The following FHIT variants were observed in gnomAD, a reference collection of about 807,000 sequenced individuals.
FHIT encodes bis(5'-adenosyl)-triphosphatase.
Under a neutral mutation model 17.9 loss-of-function variants are expected in FHIT, and 19 were observed. That is an observed-to-expected ratio of 1.06 (90% CI 0.74 to 1.56). The LOEUF (loss-of-function observed/expected upper bound fraction) is 1.56. Ranked by LOEUF, FHIT falls within the 40% of genes most tolerant of loss-of-function variation. The probability of loss-of-function intolerance (pLI) is 0.00; values close to 1 mark genes in which losing one functional copy is unlikely to be tolerated. For missense variants in FHIT, 248 were observed against 189.2 expected (o/e 1.31, Z -1.82); for synonymous variants, 81 against 69.7 (o/e 1.16, Z -0.81).
chr3:60,457,972 T>G (rs1487766154), intron 5 of FHIT, among the ~76,000 whole-genome samples: 1 of 152,178 alleles, frequency 6.6e-6, no homozygotes, highest in African/African-American at 2.4e-5. Flanking sequence ...GGAACACTTT[T>G]ACACTGTTGG....
intron 5 of FHIT, among the ~76,000 whole-genome samples, chr3:60,130,791 A>ATACACATATATATGTGTGTG (rs1559660707): frequency 9.8e-6 from 1 of 101,560 alleles, no homozygotes; most frequent in Non-Finnish European, 2.6e-5. Context: ...TGTGGTGTGT[A>ATACACATATATATGTGTGTG]TATACACACA....
In FHIT at chr3:60,664,218, C is replaced by T. The variant is rs111547821; in HGVS notation, c.-17-127239G>A. Among the ~76,000 whole-genome samples the T allele has an allele frequency of 5.2e-3, 791 of 151,980 alleles. 9 individuals are homozygous for T. Among genetic ancestry groups the T allele is most frequent in the Non-Finnish European group, 8.4e-3 (568 of 67,932 alleles). On this transcript the variant is annotated intron_variant, in intron 4 of 9. Transcript: ENST00000492590. ...TATTTACTTTTTTTATTTTTAATTT[C>T]TTCCAGTGTTTCCTCAATGAATTTT...
intron 9 of FHIT, 53 bp downstream of exon 9, chr3:59,752,168 T>A: frequency 7.6e-7 from 1 of 1,312,746 alleles, no homozygotes; most frequent in Non-Finnish European, 1.1e-6. Flanking sequence ...GAGTGCAGCC[T>A]CTTTCCTGAG....
chr3:60,833,288 G>T (rs887281636), intron 3 of FHIT, among the ~76,000 whole-genome samples: 1 of 152,226 alleles, frequency 6.6e-6, no homozygotes, highest in Non-Finnish European at 1.5e-5. Context: ...GAGGGAGGCA[G>T]TTGGGAGAGG....
At chr3:60,746,148 C>T (rs2042351562) in intron 4 of FHIT, among the ~76,000 whole-genome samples, 1 of 152,214 alleles carries the variant, frequency 6.6e-6, no homozygotes, top group African/African-American at 2.4e-5. Context: ...GTGACAGCTC[C>T]TGTGGTCATC....
intron 3 of FHIT, among the ~76,000 whole-genome samples, chr3:61,025,644 T>C (rs951834269): frequency 2.6e-5 from 4 of 152,232 alleles, no homozygotes; most frequent in Admixed American, 6.5e-5. Context: ...TTACAAACCA[T>C]CTAAACTTTG....
At chr3:60,327,880 G>T (rs947951623) in intron 5 of FHIT, among the ~76,000 whole-genome samples, 13 of 152,126 alleles carry the variant, frequency 8.5e-5, no homozygotes, top group Admixed American at 7.2e-4. Context: ...GGCAGGCGAA[G>T]GAAACAAGAA....
rs114942089 is a variant in FHIT at position 59,872,207 on chromosome 3, T to G, written c.348+50139A>C. 6.2e-3 allele frequency among the ~76,000 whole-genome samples: 949 copies of G among 152,220 alleles called. 8 individuals carry two copies. The highest frequency in any genetic ancestry group is 0.021 in the African/African-American group (891 of 41,536). On this transcript the variant is annotated intron_variant, in intron 8 of 9. Transcript: ENST00000492590. ...ACAGCAATAGAGAAGGAGGTTAGGATCTTGGGCTTCATTTTGGGAGTCACA... is the reference window on the plus strand; with the variant it reads ...ACAGCAATAGAGAAGGAGGTTAGGAGCTTGGGCTTCATTTTGGGAGTCACA...
intron 5 of FHIT, among the ~76,000 whole-genome samples, chr3:60,187,173 G>A (rs1469605207): frequency 6.6e-6 from 1 of 151,972 alleles, no homozygotes. Context: ...TGATGGCCAG[G>A]GAACACAAAA....
chr3:60,924,414 C>A (rs1707464074), intron 3 of FHIT, among the ~76,000 whole-genome samples: 1 of 152,152 alleles, frequency 6.6e-6, no homozygotes, highest in African/African-American at 2.4e-5. Flanking sequence ...ATCCGCTGTT[C>A]TGCAGCCTCT....
At chr3:60,975,278 T>C (rs1347380514) in intron 3 of FHIT, among the ~76,000 whole-genome samples, 1 of 152,206 alleles carries the variant, frequency 6.6e-6, no homozygotes, top group East Asian at 1.9e-4. Context: ...GAGAGGCATC[T>C]AATGTCAGAC....
chr3:61,141,451 A>G (rs2107003131), intron 2 of FHIT, among the ~76,000 whole-genome samples: 1 of 152,298 alleles, frequency 6.6e-6, no homozygotes, highest in South Asian at 2.1e-4. Flanking sequence ...AATACCTCTG[A>G]GCTGCCTGTT....
At chr3:60,957,158 T>TA (rs578066405) in intron 3 of FHIT, among the ~76,000 whole-genome samples, 26 of 151,036 alleles carry the variant, frequency 1.7e-4, no homozygotes, top group African/African-American at 6.3e-4. Context: ...TAAAAAGCAT[T>TA]AAAAAACAAA....
At chr3:60,121,622 G>A (rs1259708017) in intron 5 of FHIT, among the ~76,000 whole-genome samples, 2 of 151,796 alleles carry the variant, frequency 1.3e-5, no homozygotes, top group Non-Finnish European at 2.9e-5. Flanking sequence ...AGGCGGAGGT[G>A]GCAGTGAGCT....
chr3:60,609,959 G>A (rs1553672841), intron 4 of FHIT, among the ~76,000 whole-genome samples: 1 of 152,168 alleles, frequency 6.6e-6, no homozygotes, highest in Non-Finnish European at 1.5e-5. Flanking sequence ...ATTTTAATTG[G>A]TGCTATAATC....
chr3:59,959,601 T>A (rs1035005353), intron 7 of FHIT, among the ~76,000 whole-genome samples: 10 of 152,138 alleles, frequency 6.6e-5, no homozygotes, highest in African/African-American at 2.4e-4. Flanking sequence ...TATATCCATC[T>A]CTCCACTCAG....
At chr3:60,768,657 G>A (rs1427858724) in intron 4 of FHIT, among the ~76,000 whole-genome samples, 1 of 152,194 alleles carries the variant, frequency 6.6e-6, no homozygotes, top group Non-Finnish European at 1.5e-5. Context: ...TTGTGGTAAG[G>A]TGGGGCCATG....
chr3:60,123,569 T>G (rs1479579295), intron 5 of FHIT, among the ~76,000 whole-genome samples: 1 of 152,152 alleles, frequency 6.6e-6, no homozygotes, highest in African/African-American at 2.4e-5. Flanking sequence ...AATTCTAAAA[T>G]ATCGTTGAAA....
intron 3 of FHIT, among the ~76,000 whole-genome samples, chr3:60,999,003 C>T (rs901521399): frequency 6.6e-6 from 1 of 151,944 alleles, no homozygotes; most frequent in Non-Finnish European, 1.5e-5. Context: ...AAAGAGTAAC[C>T]AGCTCTTGGC....
Sources: allele counts gnomAD v4.1 joint callset (sites outside exome capture counted in the v4.1 genomes callset), GRCh38; gene constraint gnomAD v4.1.1; transcripts MANE v1.5; gene names NCBI Gene and HGNC (gene_info 2026-07-23, HGNC 2026-07-21).